The following SLC41A3 variants were observed in gnomAD, a reference collection of about 807,000 sequenced individuals.
SLC41A3 encodes solute carrier family 41 member 3.
In SLC41A3, 44 loss-of-function variants were observed where a neutral mutation model predicts 45.4. That is an observed-to-expected ratio of 0.97 (90% CI 0.76 to 1.25). SLC41A3 has a LOEUF of 1.25. Among genes scored for constraint, SLC41A3 ranks in the 50% most tolerant of loss-of-function variants. The probability of loss-of-function intolerance (pLI) is 0.00; values close to 1 mark genes in which losing one functional copy is unlikely to be tolerated. For missense variants in SLC41A3, 550 were observed against 600.6 expected (o/e 0.92, Z 0.88); for synonymous variants, 256 against 252.4 (o/e 1.01, Z -0.13).
intron 8 of SLC41A3, among the ~76,000 whole-genome samples, 172 bp from the exon 9 acceptor site, chr3:126,012,921 G>A (rs1473011249): frequency 1.3e-5 from 2 of 152,198 alleles, no homozygotes; most frequent in Non-Finnish European, 2.9e-5. Context: ...AAGTCAGGGT[G>A]GCCCAGAGCT....
At chr3:126,058,878 A>ACACAT (rs1405262898) in intron 2 of SLC41A3, among the ~76,000 whole-genome samples, 1 of 152,112 alleles carries the variant, frequency 6.6e-6, no homozygotes, top group Non-Finnish European at 1.5e-5. Flanking sequence ...CTGCAGGCCA[A>ACACAT]CACATCACCC....
At chr3:126,046,459 A>G (rs953788599) in intron 3 of SLC41A3, among the ~76,000 whole-genome samples, 4 of 152,144 alleles carry the variant, frequency 2.6e-5, no homozygotes, top group African/African-American at 9.7e-5. Context: ...TTTCTATACA[A>G]TAACAATGAA....
chr3:126,087,990 T>C (rs1945426561), upstream of SLC41A3, among the ~76,000 whole-genome samples: 1 of 152,148 alleles, frequency 6.6e-6, no homozygotes, highest in Non-Finnish European at 1.5e-5. Flanking sequence ...ATAATCTGTC[T>C]CTTTGACATT....
chr3:126,027,846 A>T (rs534192090), intron 4 of SLC41A3, among the ~76,000 whole-genome samples: 4 of 152,330 alleles, frequency 2.6e-5, no homozygotes, highest in Admixed American at 2.6e-4. Context: ...CACTTTAGCA[A>T]AGAACTTGGC....
intron 3 of SLC41A3, among the ~76,000 whole-genome samples, chr3:126,049,961 G>C (rs1201558743): frequency 1.3e-5 from 2 of 152,134 alleles, no homozygotes; most frequent in East Asian, 1.9e-4. Context: ...CTCTTATGCT[G>C]CTTCCACTAC....
At chr3:126,051,100 C>A in intron 2 of SLC41A3, 50 bp from the exon 3 acceptor site, 1 of 1,488,350 alleles carries the variant, frequency 6.7e-7, no homozygotes, top group Non-Finnish European at 9.0e-7. Context: ...ATCAGCAAAT[C>A]TCTGGAAATT....
intron 3 of SLC41A3, among the ~76,000 whole-genome samples, chr3:126,040,415 C>T (rs140289423): frequency 1.1e-3 from 162 of 152,106 alleles, no homozygotes; most frequent in African/African-American, 3.6e-3. Flanking sequence ...ATTGGGTTGA[C>T]GAGAGAATTC....
chr3:126,042,806 A>G (rs1455622776), intron 3 of SLC41A3, among the ~76,000 whole-genome samples: 2 of 152,198 alleles, frequency 1.3e-5, no homozygotes, highest in African/African-American at 4.8e-5. Flanking sequence ...AAAAGTCTGA[A>G]GAATGAGCAA....
At chr3:126,057,748 G>T (rs1316215330) in intron 2 of SLC41A3, among the ~76,000 whole-genome samples, 1 of 152,142 alleles carries the variant, frequency 6.6e-6, no homozygotes, top group Non-Finnish European at 1.5e-5. Context: ...TTCCCCTCGT[G>T]CCCCCAATAT....
intron 3 of SLC41A3, among the ~76,000 whole-genome samples, chr3:126,035,188 G>C (rs563207497): frequency 6.6e-6 from 1 of 152,376 alleles, no homozygotes; most frequent in South Asian, 2.1e-4. Flanking sequence ...AGGGTGGCTG[G>C]AGTGGACTGA....
At chr3:126,046,975 A>AG (rs1056301254) in intron 3 of SLC41A3, among the ~76,000 whole-genome samples, 7 of 150,864 alleles carry the variant, frequency 4.6e-5, no homozygotes, top group Non-Finnish European at 1.0e-4. Flanking sequence ...AAAAAAAAAA[A>AG]AAGAAAAGAA....
At chr3:126,099,555 T>C (rs1945668236) in intron 1 of SLC41A3, among the ~76,000 whole-genome samples, 1 of 151,946 alleles carries the variant, frequency 6.6e-6, no homozygotes, top group Non-Finnish European at 1.5e-5. Context: ...CTACTAAAAA[T>C]ACAAAAATTA....
chr3:126,014,860 G>A (rs975073002), intron 8 of SLC41A3, among the ~76,000 whole-genome samples: 7 of 152,198 alleles, frequency 4.6e-5, no homozygotes, highest in African/African-American at 1.4e-4. Context: ...TTGGTTAAAA[G>A]AGGGGTCATC....
chr3:126,055,020 C>T (rs1222315516), intron 2 of SLC41A3, among the ~76,000 whole-genome samples: 1 of 151,974 alleles, frequency 6.6e-6, no homozygotes, highest in African/African-American at 2.4e-5. Context: ...GCAGAAGCCA[C>T]CTGGGAGGCA....
chr3:126,059,455 C>T (rs774883098), intron 2 of SLC41A3, among the ~76,000 whole-genome samples: 28 of 151,910 alleles, frequency 1.8e-4, no homozygotes, highest in Admixed American at 6.6e-5. Flanking sequence ...TGAAGGAGTG[C>T]CCATTTGTTC....
chr3:126,099,664 C>T (rs1945670502), intron 1 of SLC41A3, among the ~76,000 whole-genome samples: 1 of 152,222 alleles, frequency 6.6e-6, no homozygotes, highest in Non-Finnish European at 1.5e-5. Flanking sequence ...TGCGCCACTA[C>T]ACTCCATGAG....
At chr3:126,091,728 T>C (rs748882110) in intron 1 of SLC41A3, among the ~76,000 whole-genome samples, 41 of 152,358 alleles carry the variant, frequency 2.7e-4, no homozygotes, top group Admixed American at 2.6e-3. Flanking sequence ...CTACAGAATG[T>C]AGATTTCCTC....
Position 126,008,030 on chromosome 3 carries a change from C to A in SLC41A3, c.1254+702G>T, listed in dbSNP as rs78839081. Among the ~76,000 whole-genome samples the A allele has an allele frequency of 1.9e-3, 292 of 152,322 alleles. 1 individual carries two copies. The highest frequency in any genetic ancestry group is 6.9e-3 in the African/African-American group (286 of 41,568). On this transcript the variant is annotated intron_variant, in intron 10 of 10. Transcript: ENST00000360370. ...TCTACGCATGCCTTGCAGCAGCAGA[C>A]CCTGCAGGGGTCTGGCCCTGCCCAC...
chr3:126,012,266 T>C (rs1215125653), intron 9 of SLC41A3, among the ~76,000 whole-genome samples: 1 of 152,234 alleles, frequency 6.6e-6, no homozygotes, highest in Non-Finnish European at 1.5e-5. Context: ...TCTTTTTCAC[T>C]GCACTCTGCA....
Sources: allele counts gnomAD v4.1 joint callset (sites outside exome capture counted in the v4.1 genomes callset), GRCh38; gene constraint gnomAD v4.1.1; transcripts MANE v1.5; gene names NCBI Gene and HGNC (gene_info 2026-07-23, HGNC 2026-07-21).